Variants in DST observed in about 807,000 individuals in gnomAD.
The protein encoded by DST is bullous pemphigoid antigen.
In DST, 253 loss-of-function variants were observed where a neutral mutation model predicts 875.2. That is an observed-to-expected ratio of 0.29 (90% CI 0.26 to 0.32). The LOEUF is 0.32. Ranked by LOEUF, DST falls within the 10% of genes least tolerant of loss-of-function variation. DST has a pLI of 1.00. For synonymous variants in DST, 3,124 were observed against 3,197.1 expected (o/e 0.98, Z 0.77); for missense variants, 8,287 against 9,111.6 (o/e 0.91, Z 3.68).
chr6:56,793,272 A>T (rs1356581444), intron 4 of DST, among the ~76,000 whole-genome samples: 4 of 152,054 alleles, frequency 2.6e-5, no homozygotes, highest in African/African-American at 7.2e-5. Context: ...TATTATGATT[A>T]TGTAAAGAGG....
chr6:56,460,770 T>C, intron 102 of DST: 1 of 152,260 alleles, frequency 6.6e-6, no homozygotes, highest in Admixed American at 6.5e-5. Flanking sequence ...TTAAATAAAC[T>C]TAACTGCAAA....
chr6:56,488,806 G>T (rs1395326683), intron 86 of DST, among the ~76,000 whole-genome samples: 4 of 119,016 alleles, frequency 3.4e-5, no homozygotes, highest in Non-Finnish European at 5.1e-5. Flanking sequence ...TTTATAAATA[G>T]AATTACATAA....
At chr6:56,679,599 T>TA (rs1165137050) in intron 9 of DST, among the ~76,000 whole-genome samples, 14,730 of 111,666 alleles carry the variant, frequency 0.13, 1,633 homozygotes, top group African/African-American at 0.31. Flanking sequence ...TATGTCTCAT[T>TA]AAAAAAAAAA....
chr6:56,489,625 C>T lies in DST; in HGVS notation c.20758-16G>A. The T allele has an allele frequency of 6.2e-7, 1 of 1,602,714 alleles. No individual in the cohort carries two copies. ...CTTCATGGAACTAGAAAGAAATTCA[C>T]ACCTTTGTCTGAAAATTTTTCAAGC... On this transcript the variant is annotated splice_polypyrimidine_tract_variant and intron_variant, in intron 85 of 103. Coordinates refer to ENST00000680361, the MANE Select transcript of DST (RefSeq NM_001374736.1).
At chr6:56,578,257 C>T (rs2152634915) in intron 50 of DST, among the ~76,000 whole-genome samples, 1 of 152,226 alleles carries the variant, frequency 6.6e-6, no homozygotes, top group Admixed American at 6.5e-5. Flanking sequence ...TCCTGTAGTC[C>T]TTACTTCTCA....
chr6:56,724,142 T>G (rs1481963324), intron 5 of DST, among the ~76,000 whole-genome samples: 1 of 152,238 alleles, frequency 6.6e-6, no homozygotes, highest in Non-Finnish European at 1.5e-5. Context: ...CAAAGTGTCC[T>G]TAAGTGTGTT....
rs867730919 is a variant in DST at position 56,463,089 on chromosome 6, C to T, written c.23027G>A (p.Cys7676Tyr). ...AAAGTCTGAGCACTCTGCTGCTTTACAAGGAGTTGACATTTTGCTGTTTGT... is the reference window on the plus strand; with the variant it reads ...AAAGTCTGAGCACTCTGCTGCTTTATAAGGAGTTGACATTTTGCTGTTTGT... ...WLTNSKMSTP[C>Y]KAAECSDFPV... The change falls in exon 102 of 104, where the codon TGT becomes TAT. Residue 7676 changes from cysteine to tyrosine, a missense_variant. Physicochemically the swap from Cys to Tyr is radical, Grantham distance 194. This residue lies in a region of DST where 240 missense variants were observed against 237.3 expected (regional missense o/e 1.01). Transcript: ENST00000680361. 6.8e-6 allele frequency: 11 copies of T among 1,613,566 alleles called. No homozygotes were observed. The highest frequency in any genetic ancestry group is 1.6e-4 in the Middle Eastern group (1 of 6,078).
chr6:56,609,722 GA>G (rs973056171), intron 39 of DST, among the ~76,000 whole-genome samples: 1 of 152,088 alleles, frequency 6.6e-6, no homozygotes, highest in Non-Finnish European at 1.5e-5. Context: ...CTAGTGGCAG[GA>G]AAGAGAGTAT....
chr6:56,853,539 G>A (rs1766342456), intron 3 of DST, among the ~76,000 whole-genome samples: 1 of 152,100 alleles, frequency 6.6e-6, no homozygotes, highest in Non-Finnish European at 1.5e-5. Flanking sequence ...TCCTTTATCT[G>A]TGAGATTATA....
intron 4 of DST, among the ~76,000 whole-genome samples, chr6:56,850,153 C>T (rs1019096230): frequency 6.6e-6 from 1 of 152,194 alleles, no homozygotes; most frequent in African/African-American, 2.4e-5. Context: ...CACTCCACCC[C>T]TTGCTCTTCA....
intron 49 of DST, among the ~76,000 whole-genome samples, chr6:56,583,751 T>C (rs907848379): frequency 4.6e-5 from 7 of 152,226 alleles, no homozygotes; most frequent in African/African-American, 1.7e-4. Context: ...AAGTATTTAA[T>C]CCATCTTGAA....
In DST at chr6:56,670,211, G is replaced by A. The variant is rs537805915; in HGVS notation, c.1214+430C>T. Among the ~76,000 whole-genome samples, 133 of 151,242 alleles carry A rather than the reference G, an allele frequency of 8.8e-4. 2 individuals carry two copies. The highest frequency in any genetic ancestry group is 2.9e-4 in the Non-Finnish European group (20 of 67,864). On this transcript the variant is annotated intron_variant, in intron 10 of 103. Transcript: ENST00000680361. Reference sequence around the variant, plus strand: ...TCAGAATCATGGCCTCTAAGTAGTGGAAATGTGATTTTTAAATTTTTTTTT... The same window carrying A: ...TCAGAATCATGGCCTCTAAGTAGTGAAAATGTGATTTTTAAATTTTTTTTT...
At chr6:56,729,823 G>T (rs2099489822) in intron 5 of DST, among the ~76,000 whole-genome samples, 1 of 152,128 alleles carries the variant, frequency 6.6e-6, no homozygotes, top group Non-Finnish European at 1.5e-5. Context: ...GTGGAGTCAT[G>T]AAGTCACTGA....
At chr6:56,811,422 C>T (rs1035333803) in intron 4 of DST, among the ~76,000 whole-genome samples, 5 of 152,190 alleles carry the variant, frequency 3.3e-5, no homozygotes, top group South Asian at 2.1e-4. Context: ...TGAAGTAAAA[C>T]GTCAGGATGC....
intron 90 of DST, among the ~76,000 whole-genome samples, chr6:56,479,474 C>A (rs1306123373): frequency 6.6e-6 from 1 of 152,098 alleles, no homozygotes; most frequent in Non-Finnish European, 1.5e-5. Context: ...CAACAGCACT[C>A]ATATGTTCAT....
intron 72 of DST, among the ~76,000 whole-genome samples, chr6:56,513,271 C>T (rs577626467): frequency 1.3e-5 from 2 of 149,872 alleles, no homozygotes; most frequent in South Asian, 4.2e-4. Context: ...GCTCTTGTTG[C>T]CCAGGCTGGA....
intron 10 of DST, among the ~76,000 whole-genome samples, chr6:56,653,472 G>A (rs1028939793): frequency 4.6e-5 from 7 of 152,200 alleles, no homozygotes; most frequent in Middle Eastern, 6.8e-3. Flanking sequence ...ATCACCTGAG[G>A]TCTGGAGTTT....
intron 4 of DST, among the ~76,000 whole-genome samples, chr6:56,803,216 C>T (rs1269231752): frequency 6.6e-6 from 1 of 152,172 alleles, no homozygotes; most frequent in African/African-American, 2.4e-5. Context: ...AATACTACAG[C>T]GTACCTACCA....
chr6:56,799,233 T>C (rs1590696916), intron 4 of DST, among the ~76,000 whole-genome samples: 1 of 152,160 alleles, frequency 6.6e-6, no homozygotes, highest in African/African-American at 2.4e-5. Flanking sequence ...CTTGCACCTA[T>C]AATCCTAGCT....
Sources: allele counts gnomAD v4.1 joint callset (sites outside exome capture counted in the v4.1 genomes callset), GRCh38; gene constraint gnomAD v4.1.1; regional missense constraint gnomAD v4.1.1; transcripts MANE v1.5; gene names NCBI Gene and HGNC (gene_info 2026-07-23, HGNC 2026-07-21).